Variants in TBX6 observed in about 807,000 individuals in gnomAD.
The protein encoded by TBX6 is T-box transcription factor TBX6.
TBX6 carries 29 observed loss-of-function variants against 42.3 expected under a neutral mutation model. The observed-to-expected ratio is 0.69, with a 90% CI of 0.51 to 0.93. TBX6 has a LOEUF of 0.93. Ranked by LOEUF, TBX6 falls within the 40% of genes least tolerant of loss-of-function variation. The pLI is 0.00. For synonymous variants in TBX6, 249 were observed against 245.1 expected, an observed-to-expected ratio of 1.02 and a Z score of -0.15; for missense variants, 569 against 603.3, an observed-to-expected ratio of 0.94 and a Z score of 0.59.
At position 30,086,720 on chromosome 16, in the gene TBX6, G is replaced by C; in HGVS notation, c.914-25C>G. Reference sequence around the variant, plus strand: ...TCTGGGGAGAGGGAAGGGAGAGGTTGGGCTAGGGAGGATCCCTGTCTCAGG... The same window carrying C: ...TCTGGGGAGAGGGAAGGGAGAGGTTCGGCTAGGGAGGATCCCTGTCTCAGG... On this transcript the variant is annotated intron_variant, in intron 7 of 8. Coordinates refer to ENST00000395224, the MANE Select transcript of TBX6 (RefSeq NM_004608.4). The surrounding 1 kb of genome is among the most constrained non-coding windows in gnomAD (Gnocchi z 4.6). 2 of 1,612,808 alleles carry C rather than the reference G, an allele frequency of 1.2e-6. No homozygotes were observed. The highest frequency in any genetic ancestry group is 1.7e-6 in the Non-Finnish European group (2 of 1,179,332).
chr16:30,090,978 T>C lies in TBX6; in HGVS notation c.133A>G (p.Lys45Glu), dbSNP rs775804406. ...GYRYPELDTP[K>E]LDCFLSGMEA... is the part of the protein sequence containing the mutation. ...ATCCCGGAGAGGAAGCAATCCAGTT[T>C]AGGGGTGTCCAGTTCTGGAAGCCGG... The change falls in exon 3 of 9, where the codon AAA becomes GAA. Residue 45 changes from lysine to glutamate, a missense_variant. Physicochemically the swap from Lys to Glu is moderately conservative, Grantham distance 56. Coordinates refer to ENST00000395224, the MANE Select transcript of TBX6 (RefSeq NM_004608.4). 4.3e-6 allele frequency: 7 copies of C among 1,613,330 alleles called. No homozygotes were observed. In the Admixed American group the frequency reaches 1.2e-4, roughly 27 times the overall value.
In TBX6 at chr16:30,088,408, A is replaced by G. The variant is rs552535490; in HGVS notation, c.839+137T>C. ...GTCCCTGGCACATAGCAGGTACTAT[A>G]TAAGTATTTGCTGAGTCAGTGAATG... On this transcript the variant is annotated intron_variant, in intron 6 of 8. Coordinates refer to ENST00000395224, the MANE Select transcript of TBX6 (RefSeq NM_004608.4). This position sits in a 1 kb window ranked among gnomAD's most constrained non-coding sequence, Gnocchi z 4.1. 2.1e-5 allele frequency: 25 copies of G among 1,189,944 alleles called. No homozygotes were observed. Among genetic ancestry groups the G allele is most frequent in the African/African-American group, 4.5e-5 (3 of 66,740 alleles). 73.7% of individuals were successfully genotyped at this position (1,189,944 alleles called of 1,614,324 possible).
Position 30,086,547 on chromosome 16 carries a change from C to A in TBX6, c.1062G>T (p.Ala354=). ...GGTGACTGGGGGCCCCATGGAAAGC[C>A]GCAGGGTGCAGGAGGTAGGCCTCAG... ...PSAEAYLLHP[A]AFHGAPSHLP... is the part of the protein sequence containing the mutation. Residue 354 remains alanine, a synonymous_variant, in exon 8 of 9, where the codon GCG becomes GCT. Transcript: ENST00000395224. This position sits in a 1 kb window ranked among gnomAD's most constrained non-coding sequence, Gnocchi z 4.6. 3 of 1,523,694 alleles carry A rather than the reference C, an allele frequency of 2.0e-6. No homozygotes were observed. The highest frequency in any genetic ancestry group is 4.9e-5 in the Admixed American group (2 of 40,606). 94.4% of individuals were successfully genotyped at this position (1,523,694 alleles called of 1,614,324 possible).
In TBX6 at chr16:30,088,979, G is replaced by C. The variant is rs148435229; in HGVS notation, c.585C>G (p.Val195=). Residue 195 remains valine (V), a synonymous_variant, in exon 4 of 9, where the codon GTC becomes GTG. Transcript: ENST00000395224. The surrounding 1 kb of genome is among the most constrained non-coding windows in gnomAD (Gnocchi z 4.1). ...WMRQPVSFHR[V]KLTNSTLDPH... is the part of the protein sequence containing the mutation. Reference sequence around the variant, plus strand: ...GGTCCAGCGTGCTGTTGGTGAGCTTGACACGATGGAAAGACACAGGCTGCC... The same window carrying C: ...GGTCCAGCGTGCTGTTGGTGAGCTTCACACGATGGAAAGACACAGGCTGCC... The C allele has an allele frequency of 6.2e-7, 1 of 1,613,200 alleles. No homozygotes were observed. The highest frequency in any genetic ancestry group is 8.5e-7 in the Non-Finnish European group (1 of 1,179,382).
At chr16:30,091,317 G>A in intron 1 of TBX6, 76 bp from the exon 2 acceptor site, 1 of 873,398 alleles carries the variant, frequency 1.1e-6, no homozygotes, top group Non-Finnish European at 1.7e-6. Flanking sequence ...CCTCTTTGGG[G>A]CCCTGGAGTT....
At position 30,088,846 on chromosome 16, in the gene TBX6, G is replaced by T. The variant is rs868376195; in HGVS notation, c.622-7C>A. On this transcript the variant is annotated splice_region_variant and splice_polypyrimidine_tract_variant and intron_variant, in intron 4 of 8. Transcript: ENST00000395224. The surrounding 1 kb of genome is among the most constrained non-coding windows in gnomAD (Gnocchi z 4.1). ...GCATGGAGTGCAGGATCAGCTGGGA[G>T]GGAGGAAATGGGAGTGATTCCCTGC... The T allele has an allele frequency of 2.5e-6, 4 of 1,612,750 alleles. No individual in the cohort carries two copies. The Middle Eastern group carries it at 5.0e-4, about 200-fold the overall frequency.
intron 6 of TBX6, among the ~76,000 whole-genome samples, chr16:30,087,052 C>T (rs1596849667): frequency 6.6e-6 from 1 of 152,250 alleles, no homozygotes; most frequent in South Asian, 2.1e-4. Flanking sequence ...TTTGTCCCTG[C>T]TCAAATTTGT....
At chr16:30,089,321 T>G (rs1371282184) in intron 3 of TBX6, 111 bp from the exon 4 acceptor site, 3 of 1,386,994 alleles carry the variant, frequency 2.2e-6, no homozygotes, top group Non-Finnish European at 1.9e-6. Flanking sequence ...CAGAGAAACA[T>G]CAAAGGAGGT....
At chr16:30,090,661 G>GCC in intron 3 of TBX6, 97 bp downstream of exon 3, 2 of 1,248,682 alleles carry the variant, frequency 1.6e-6, no homozygotes, top group Non-Finnish European at 2.2e-6. Flanking sequence ...CAGAGCTCTA[G>GCC]CCCCTCGGGA....
At position 30,090,940 on chromosome 16, in the gene TBX6, G is replaced by T. The variant is rs2072712934; in HGVS notation, c.171C>A (p.Pro57=). 1.2e-6 allele frequency: 2 copies of T among 1,613,176 alleles called. No homozygotes were observed. Among genetic ancestry groups the T allele is most frequent in the Non-Finnish European group, 1.7e-6 (2 of 1,179,898 alleles). ...DCFLSGMEAA[P]RTLAAHPPLP... is the part of the protein sequence containing the mutation. ...GAGGTGGGTGCGCGGCCAGGGTGCG[G>T]GGAGCAGCCTCCATCCCGGAGAGGA... The change falls in exon 3 of 9, where the codon CCC becomes CCA. Residue 57 remains proline (P), a synonymous_variant. Transcript: ENST00000395224.
Position 30,090,784 on chromosome 16 carries a change from T to C in TBX6, c.327A>G (p.Thr109=). ...ELWKEFSSVG[T]EMIITKAGRR... is the part of the protein sequence containing the mutation. ...TCCCAGCTTTGGTGATGATCATTTC[T>C]GTTCCCACAGAGCTGAACTCCTTCC... The change falls in exon 3 of 9, where the codon ACA becomes ACG. Residue 109 remains threonine (T), a synonymous_variant. Transcript: ENST00000395224. 6.2e-7 allele frequency: 1 copy of C among 1,607,814 alleles called. No homozygotes were observed. The highest frequency in any genetic ancestry group is 2.2e-5 in the East Asian group (1 of 44,842).
chr16:30,086,460 CAG>C lies in TBX6; in HGVS notation c.1098-24_1098-23del, dbSNP rs1479043983. ...GCTCCTGACATGGAGAGAGGGATGT[CAG>C]AGCAGGGCAGAGGGACCCGCAGCCC... On this transcript the variant is annotated intron_variant, in intron 8 of 8. Coordinates refer to ENST00000395224, the MANE Select transcript of TBX6 (RefSeq NM_004608.4). This position sits in a 1 kb window ranked among gnomAD's most constrained non-coding sequence, Gnocchi z 4.6. The C allele has an allele frequency of 1.4e-5, 21 of 1,488,008 alleles. No individual in the cohort carries two copies. The highest frequency in any genetic ancestry group is 1.8e-5 in the Non-Finnish European group (20 of 1,122,132). 92.2% of individuals were successfully genotyped at this position (1,488,008 alleles called of 1,614,324 possible). A position where few individuals can be genotyped will look rare whatever the true frequency, so the allele number is the denominator to read the frequency against.
At position 30,091,169 on chromosome 16, in the gene TBX6, G is replaced by A. The variant is rs1357355587; in HGVS notation, c.25C>T (p.Pro9Ser). 1 of 1,591,100 alleles carries A rather than the reference G, an allele frequency of 6.3e-7. No homozygotes were observed. The highest frequency in any genetic ancestry group is 8.5e-7 in the Non-Finnish European group (1 of 1,170,964). Residue 9 changes from proline (P) to serine (S), a missense_variant, in exon 2 of 9, where the codon CCG becomes TCG. Physicochemically the swap from Pro to Ser is moderately conservative, Grantham distance 74 (BLOSUM62 -1). Transcript: ENST00000395224. Reference protein sequence around the residue: MYHPRELYPSLGAGYRLGP... With the variant: MYHPRELYSSLGAGYRLGP... ...AGGCGGTAGCCGGCCCCCAGGGACG[G>A]GTACAATTCTCGTGGATGGTACATG...
intron 3 of TBX6, 94 bp downstream of exon 3, chr16:30,090,664 C>G: frequency 7.7e-7 from 1 of 1,301,916 alleles, no homozygotes; most frequent in Non-Finnish European, 1.0e-6. Context: ...AGCTCTAGCC[C>G]CTCGGGAACC....
Position 30,085,819 on chromosome 16 carries a change from T to G in TBX6, c.*406A>C. ...TTCCTGAGCATGGATGGCTTTTGAG[T>G]TTTATTAACAAAAATACTCTGGTCC... On this transcript the variant is annotated 3_prime_UTR_variant, in exon 9 of 9. Coordinates refer to ENST00000395224, the MANE Select transcript of TBX6 (RefSeq NM_004608.4). The G allele has an allele frequency of 4.9e-6, 1 of 203,704 alleles. No individual in the cohort carries two copies. The highest frequency in any genetic ancestry group is 9.9e-6 in the Non-Finnish European group (1 of 101,392). The allele number at this position is 203,704 out of a possible 1,614,324, so 12.6% of individuals were successfully genotyped here. A position where few individuals can be genotyped will look rare whatever the true frequency, so the allele number is the denominator to read the frequency against.
chr16:30,088,698 G>A lies in TBX6; in HGVS notation c.763C>T (p.Pro255Ser). 6.2e-7 allele frequency: 1 copy of A among 1,614,142 alleles called. No individual in the cohort carries two copies. The highest frequency in any genetic ancestry group is 2.2e-5 in the East Asian group (1 of 44,870). Residue 255 changes from proline to serine, a missense_variant, in exon 5 of 9, where the codon CCA becomes TCA. Transcript: ENST00000395224. This position sits in a 1 kb window ranked among gnomAD's most constrained non-coding sequence, Gnocchi z 4.1. ...CCTCAAGCAGGGTCACTCACCTGTG[G>A]GTTCTGGTAGGCTGTCACGGAGATG... The part of the protein sequence containing the change: ...TFISVTAYQN[P>S]QITQLKIAAN...
rs2072670635 is a variant in TBX6, at chr16:30,088,355, G to C, written c.839+190C>G. 2 of 798,646 alleles carry C rather than the reference G, an allele frequency of 2.5e-6. No homozygotes were observed. The highest frequency in any genetic ancestry group is 2.3e-5 in the Admixed American group (1 of 43,350). The allele number at this position is 798,646 out of a possible 1,614,324, so 49.5% of individuals were successfully genotyped here. A position where few individuals can be genotyped will look rare whatever the true frequency, so the allele number is the denominator to read the frequency against. On this transcript the variant is annotated intron_variant, in intron 6 of 8. Transcript: ENST00000395224. This position sits in a 1 kb window ranked among gnomAD's most constrained non-coding sequence, Gnocchi z 4.1. ...GAGGGCCGGGGCTTTGGTTTGCTTT[G>C]TTTGTTTTATCTCCAGTGCCTGGAA...
In TBX6 at chr16:30,086,429, G is replaced by C; in HGVS notation, c.1107C>G (p.Ser369Arg). The C allele has an allele frequency of 6.6e-7, 1 of 1,520,526 alleles. No individual in the cohort carries two copies. Among genetic ancestry groups the C allele is most frequent in the Non-Finnish European group, 8.8e-7 (1 of 1,139,716 alleles). 94.2% of individuals were successfully genotyped at this position (1,520,526 alleles called of 1,614,324 possible). ...APSHLPTRSP[S>R]FPEAPDSGRS... ...GCCCGGAGTCTGGAGCCTCCGGGAA[G>C]CTGGGGCTCCTGACATGGAGAGAGG... The change falls in exon 9 of 9, where the codon AGC (serine) becomes AGG (arginine). Residue 369 changes from serine (S) to arginine (R), a missense_variant. Physicochemically the swap from Ser to Arg is moderately radical, Grantham distance 110. Transcript: ENST00000395224. The surrounding 1 kb of genome is among the most constrained non-coding windows in gnomAD (Gnocchi z 4.6).
intron 3 of TBX6, among the ~76,000 whole-genome samples, chr16:30,090,111 G>A (rs1276842635): frequency 6.6e-6 from 1 of 152,114 alleles, no homozygotes; most frequent in Non-Finnish European, 1.5e-5. Flanking sequence ...AAGCAGGGGT[G>A]ACTAACTTTC....
Sources: gnomAD v4.1 joint callset for allele counts (sites outside exome capture counted in the v4.1 genomes callset) on GRCh38, gnomAD v4.1.1 for gene constraint, Gnocchi (gnomAD v3.1) non-coding constraint, MANE v1.5 for transcripts, NCBI Gene and HGNC (gene_info 2026-07-23, HGNC 2026-07-21) for gene names.